FTO: variants seen among roughly 807,000 people sequenced by gnomAD.
FTO encodes alpha-ketoglutarate-dependent dioxygenase FTO.
A neutral mutation model predicts 63.9 loss-of-function variants in FTO; 47 were observed. The observed-to-expected ratio is 0.74, with a 90% CI of 0.58 to 0.94. The LOEUF (loss-of-function observed/expected upper bound fraction) is 0.94, where lower values mean the gene tolerates loss of function less well. Among genes scored for constraint, FTO ranks in the 40% least tolerant of loss-of-function variants. The pLI is 0.00. For missense variants in FTO, 562 were observed against 618.1 expected (o/e 0.91, Z 0.96); for synonymous variants, 207 against 224.4 (o/e 0.92, Z 0.69).
rs1444796561 is a variant in FTO, at chr16:54,119,164, G to A, written c.*7249G>A. The A allele has an allele frequency of 6.6e-6, 1 of 152,192 alleles. No individual in the cohort carries two copies. Among genetic ancestry groups the A allele is most frequent in the Non-Finnish European group, 1.5e-5 (1 of 68,048 alleles). 9.4% of individuals were successfully genotyped at this position (152,192 alleles called of 1,614,324 possible). On this transcript the variant is annotated 3_prime_UTR_variant, in exon 9 of 9. Coordinates refer to ENST00000471389, the MANE Select transcript of FTO (RefSeq NM_001080432.3). ...TGGAAACTGCCTTTCTTGAGTAGAG[G>A]TACGTTCAGCACTTCATAAAATAAT...
At chr16:53,918,356 A>G (rs1344315167) in intron 7 of FTO, among the ~76,000 whole-genome samples, 1 of 152,318 alleles carries the variant, frequency 6.6e-6, no homozygotes, top group South Asian at 2.1e-4. Context: ...TGTACTGCAC[A>G]CTGTAGGCAA....
rs576565889 is a variant in FTO, at chr16:53,947,113, A to T, written c.1364+13004A>T. Among the ~76,000 whole-genome samples, 125 of 152,316 alleles carry T rather than the reference A, an allele frequency of 8.2e-4. 4 individuals are homozygous for T. In the South Asian group the frequency reaches 0.024, roughly 29 times the overall value. On this transcript the variant is annotated intron_variant, in intron 8 of 8. Coordinates refer to ENST00000471389, the MANE Select transcript of FTO (RefSeq NM_001080432.3). Reference sequence around the variant, plus strand: ...TCCATCCATCTCGCTTAGGAGCTGCAGCTGCTACTGTCAGCTGCCTTGCTG... The same window carrying T: ...TCCATCCATCTCGCTTAGGAGCTGCTGCTGCTACTGTCAGCTGCCTTGCTG...
intron 3 of FTO, among the ~76,000 whole-genome samples, chr16:53,828,839 G>A (rs916338681): frequency 1.3e-5 from 2 of 152,232 alleles, no homozygotes; most frequent in African/African-American, 4.8e-5. Context: ...ATTATGAGCA[G>A]GTATTTCTTA....
intron 8 of FTO, among the ~76,000 whole-genome samples, chr16:53,962,277 G>A (rs1297766928): frequency 6.6e-6 from 1 of 152,182 alleles, no homozygotes; most frequent in Non-Finnish European, 1.5e-5. Flanking sequence ...GGCCTGGTTT[G>A]TGGTAGAAGT....
chr16:54,062,429 G>A (rs1020412679), intron 8 of FTO, among the ~76,000 whole-genome samples: 9 of 152,152 alleles, frequency 5.9e-5, no homozygotes, highest in Non-Finnish European at 1.2e-4. Flanking sequence ...GGACCCACAC[G>A]CTGGCTTCCT....
intron 1 of FTO, among the ~76,000 whole-genome samples, chr16:53,780,849 T>TCCC (rs1567980264): frequency 6.6e-6 from 1 of 152,198 alleles, no homozygotes; most frequent in Non-Finnish European, 1.5e-5. Flanking sequence ...TATTATTATA[T>TCCC]CCCTCCATTG....
intron 3 of FTO, among the ~76,000 whole-genome samples, chr16:53,838,795 C>G: frequency 6.6e-6 from 1 of 151,928 alleles, no homozygotes; most frequent in East Asian, 2.0e-4. Context: ...GCCAAGATCA[C>G]GACACTGCAC....
intron 7 of FTO, chr16:53,911,439 G>A (rs2287142): frequency 0.041 from 29,146 of 703,074 alleles, 3,228 homozygotes; most frequent in East Asian, 0.34. Context: ...AAGTTAAGAA[G>A]TGGCCATACC....
chr16:53,888,694 T>C, intron 6 of FTO, 138 bp from the exon 7 acceptor site: 2 of 896,546 alleles, frequency 2.2e-6, no homozygotes, highest in South Asian at 1.3e-5. Context: ...CACTGGGAAC[T>C]GGTTAGGCTG....
intron 8 of FTO, among the ~76,000 whole-genome samples, chr16:53,940,543 T>C (rs2082503952): frequency 6.6e-6 from 1 of 152,196 alleles, no homozygotes; most frequent in African/African-American, 2.4e-5. Context: ...TCATTCAACA[T>C]TGCACACTGG....
At chr16:53,995,774 C>G (rs2083921226) in intron 8 of FTO, among the ~76,000 whole-genome samples, 1 of 152,138 alleles carries the variant, frequency 6.6e-6, no homozygotes, top group Non-Finnish European at 1.5e-5. Flanking sequence ...AGATGGGTCC[C>G]TCTGCCAGCC....
intron 1 of FTO, among the ~76,000 whole-genome samples, chr16:53,794,035 A>G (rs893601375): frequency 6.6e-6 from 1 of 152,370 alleles, no homozygotes; most frequent in East Asian, 1.9e-4. Context: ...TTGTTTTTCC[A>G]TTTATGAACT....
At chr16:53,890,467 A>G (rs1180454007) in intron 7 of FTO, among the ~76,000 whole-genome samples, 1 of 152,156 alleles carries the variant, frequency 6.6e-6, no homozygotes, top group African/African-American at 2.4e-5. Flanking sequence ...CCTAATTCCT[A>G]CTTTATAATA....
intron 4 of FTO, among the ~76,000 whole-genome samples, chr16:53,846,801 CAAAAAAAAAAAA>C (rs55982417): frequency 9.4e-6 from 1 of 106,902 alleles, no homozygotes. Context: ...GACTCAGTCT[CAAAAAAAAAAAA>C]AAAAAAAAAG....
chr16:54,000,687 G>T (rs766673564), intron 8 of FTO, among the ~76,000 whole-genome samples: 1 of 152,112 alleles, frequency 6.6e-6, no homozygotes, highest in African/African-American at 2.4e-5. Flanking sequence ...CAACCCTGTG[G>T]TTTTATTTGA....
intron 4 of FTO, 143 bp downstream of exon 4, chr16:53,844,441 C>G (rs913653048): frequency 1.1e-5 from 8 of 702,742 alleles, no homozygotes; most frequent in Non-Finnish European, 1.9e-5. Context: ...GAACATGTAA[C>G]TAGGTTTTTC....
At chr16:53,829,742 T>C (rs1427292301) in intron 3 of FTO, among the ~76,000 whole-genome samples, 2 of 152,120 alleles carry the variant, frequency 1.3e-5, no homozygotes, top group African/African-American at 4.8e-5. Flanking sequence ...TTTCTCACTT[T>C]GAGGTAATAG....
intron 1 of FTO, among the ~76,000 whole-genome samples, chr16:53,801,701 T>C (rs960412187): frequency 6.6e-6 from 1 of 151,904 alleles, no homozygotes; most frequent in African/African-American, 2.4e-5. Flanking sequence ...ATTTCCCCAC[T>C]GTCTTCTGTC....
rs151012590 is a variant in FTO, at chr16:53,761,043, T to C, written c.46-49097T>C. Among the ~76,000 whole-genome samples, 564 of 151,608 alleles carry C rather than the reference T, an allele frequency of 3.7e-3. 6 individuals carry two copies. The highest frequency in any genetic ancestry group is 0.013 in the African/African-American group (536 of 41,332). ...TTTCCCTTTCCCTTTCCTTCTCCCT[T>C]CCTCCCTCCCTCCCTTCCTTTCTTC... On this transcript the variant is annotated intron_variant, in intron 1 of 8. Coordinates refer to ENST00000471389, the MANE Select transcript of FTO (RefSeq NM_001080432.3).
Sources: gnomAD v4.1 joint callset for allele counts (sites outside exome capture counted in the v4.1 genomes callset) on GRCh38, gnomAD v4.1.1 for gene constraint, MANE v1.5 for transcripts, NCBI Gene and HGNC (gene_info 2026-07-23, HGNC 2026-07-21) for gene names.